CNTNAP4: variants seen among roughly 807,000 people sequenced by gnomAD.
The protein encoded by CNTNAP4 is contactin associated protein family member 4, also known as contactin-associated protein-like 4.
A neutral mutation model predicts 148.4 loss-of-function variants in CNTNAP4; 98 were observed. The observed-to-expected ratio is 0.66, with a 90% CI of 0.56 to 0.78. The LOEUF (loss-of-function observed/expected upper bound fraction) is 0.78. Ranked by LOEUF, CNTNAP4 falls within the 30% of genes least tolerant of loss-of-function variation. The probability of loss-of-function intolerance (pLI) is 0.00; values close to 1 mark genes in which losing one functional copy is unlikely to be tolerated. For synonymous variants in CNTNAP4, 730 were observed against 565.1 expected (o/e 1.29, Z -4.14); for missense variants, 1,935 against 1,565.6 (o/e 1.24, Z -3.98).
chr16:76,390,767 A>G (rs1297699022), intron 3 of CNTNAP4, among the ~76,000 whole-genome samples: 1 of 152,128 alleles, frequency 6.6e-6, no homozygotes, highest in Non-Finnish European at 1.5e-5. Flanking sequence ...CTCTTAGCTA[A>G]CTTGAATCTT....
At chr16:76,370,649 T>G (rs1027315445) in intron 3 of CNTNAP4, among the ~76,000 whole-genome samples, 1 of 152,140 alleles carries the variant, frequency 6.6e-6, no homozygotes, top group Non-Finnish European at 1.5e-5. Context: ...TGGTTCTAAG[T>G]GAAACAGAAC....
intron 3 of CNTNAP4, among the ~76,000 whole-genome samples, chr16:76,363,840 G>C (rs140355785): frequency 1.2e-4 from 18 of 152,008 alleles, no homozygotes; most frequent in Admixed American, 1.2e-3. Context: ...AAGTAGTGTC[G>C]GTGGCTCTGT....
intron 14 of CNTNAP4, among the ~76,000 whole-genome samples, chr16:76,497,911 T>A (rs1011544580): frequency 6.6e-6 from 1 of 152,020 alleles, no homozygotes; most frequent in African/African-American, 2.4e-5. Flanking sequence ...ACAAAAGAAA[T>A]AGCAAAATGG....
intron 3 of CNTNAP4, among the ~76,000 whole-genome samples, chr16:76,383,013 A>G (rs2016143222): frequency 6.6e-6 from 1 of 152,188 alleles, no homozygotes; most frequent in Non-Finnish European, 1.5e-5. Flanking sequence ...GCCTTATAGA[A>G]CAAAACGTTT....
At chr16:76,392,851 C>T (rs984859736) in intron 3 of CNTNAP4, among the ~76,000 whole-genome samples, 4 of 152,100 alleles carry the variant, frequency 2.6e-5, no homozygotes, top group Non-Finnish European at 5.9e-5. Context: ...CTTGAAGATG[C>T]CTGTCAATGA....
intron 15 of CNTNAP4, among the ~76,000 whole-genome samples, chr16:76,510,970 A>G (rs568949179): frequency 6.6e-6 from 1 of 152,210 alleles, no homozygotes; most frequent in East Asian, 1.9e-4. Context: ...AATTATCCTT[A>G]AAGGTCACTA....
chr16:76,328,975 G>GTGTT (rs969470528), intron 2 of CNTNAP4, among the ~76,000 whole-genome samples: 1 of 152,184 alleles, frequency 6.6e-6, no homozygotes, highest in Non-Finnish European at 1.5e-5. Flanking sequence ...TGGGCAAAGG[G>GTGTT]TGTTTTGGGA....
At chr16:76,360,678 CA>C (rs2013303486) in intron 3 of CNTNAP4, among the ~76,000 whole-genome samples, 1 of 152,152 alleles carries the variant, frequency 6.6e-6, no homozygotes, top group African/African-American at 2.4e-5. Flanking sequence ...GAGACTGATC[CA>C]AAACATATTT....
At chr16:76,510,990 G>A (rs2083002313) in intron 15 of CNTNAP4, among the ~76,000 whole-genome samples, 2 of 152,084 alleles carry the variant, frequency 1.3e-5, no homozygotes, top group South Asian at 2.1e-4. Context: ...AATTTAACAA[G>A]AATGTACCTG....
At chr16:76,343,350 A>G (rs542909890) in intron 2 of CNTNAP4, among the ~76,000 whole-genome samples, 1 of 152,122 alleles carries the variant, frequency 6.6e-6, no homozygotes, top group Non-Finnish European at 1.5e-5. Flanking sequence ...TACAAATAGA[A>G]ATAAGATGGA....
chr16:76,378,689 C>G (rs1330914168), intron 3 of CNTNAP4, among the ~76,000 whole-genome samples: 2 of 152,198 alleles, frequency 1.3e-5, no homozygotes, highest in Non-Finnish European at 2.9e-5. Flanking sequence ...CCTGACCACA[C>G]TCCAGCTTTC....
At chr16:76,283,186 C>G (rs1053200058) in intron 1 of CNTNAP4, among the ~76,000 whole-genome samples, 29 of 151,886 alleles carry the variant, frequency 1.9e-4, no homozygotes, top group Admixed American at 6.6e-4. Context: ...CTCTGCTCTA[C>G]AAATACCGAT....
intron 2 of CNTNAP4, among the ~76,000 whole-genome samples, chr16:76,332,598 C>T (rs8044400): frequency 0.12 from 18,187 of 151,970 alleles, 1,492 homozygotes; most frequent in East Asian, 0.32. Context: ...ACTGACATAA[C>T]ATTATTTATT....
At chr16:76,449,999 C>A in intron 7 of CNTNAP4, 141 bp downstream of exon 7, 2 of 644,952 alleles carry the variant, frequency 3.1e-6, no homozygotes, top group Non-Finnish European at 5.0e-6. Flanking sequence ...TGGCAATATG[C>A]ATATAAAAGA....
chr16:76,511,345 C>T (rs1036478680), intron 15 of CNTNAP4, among the ~76,000 whole-genome samples: 7 of 152,130 alleles, frequency 4.6e-5, no homozygotes, highest in Non-Finnish European at 1.0e-4. Flanking sequence ...TCGACTAGTA[C>T]AGCTGTCTGA....
intron 21 of CNTNAP4, among the ~76,000 whole-genome samples, chr16:76,544,855 C>T (rs59190724): frequency 0.23 from 34,355 of 152,078 alleles, 4,842 homozygotes; most frequent in Middle Eastern, 0.33. Context: ...CAAATTACTG[C>T]AGTGGAGATT....
chr16:76,554,075 T>A (rs1302015532), intron 23 of CNTNAP4, among the ~76,000 whole-genome samples, 168 bp downstream of exon 23: 1 of 152,250 alleles, frequency 6.6e-6, no homozygotes, highest in Non-Finnish European at 1.5e-5. Context: ...GTCTTTAGAA[T>A]CTTTCTGAAT....
At chr16:76,428,418 CG>C (rs1384086689) in intron 4 of CNTNAP4, among the ~76,000 whole-genome samples, 3 of 124,686 alleles carry the variant, frequency 2.4e-5, no homozygotes, top group Non-Finnish European at 5.7e-5. Flanking sequence ...TTCACGACAT[CG>C]TTTTTTTTTT....
chr16:76,451,521 A>G (rs1203965389), intron 7 of CNTNAP4, among the ~76,000 whole-genome samples: 3 of 152,188 alleles, frequency 2.0e-5, no homozygotes, highest in African/African-American at 7.2e-5. Context: ...TATGACCACA[A>G]CAGCCAGCAA....
Sources: gnomAD v4.1 joint callset for allele counts (sites outside exome capture counted in the v4.1 genomes callset) on GRCh38, gnomAD v4.1.1 for gene constraint, MANE v1.5 for transcripts, NCBI Gene and HGNC (gene_info 2026-07-23, HGNC 2026-07-21) for gene names.